CSMD1: variants seen among roughly 807,000 people sequenced by gnomAD.
CSMD1 encodes the protein CUB and Sushi multiple domains 1, also known as CUB and sushi domain-containing protein 1.
CSMD1 carries 213 observed loss-of-function variants against 417.5 expected under a neutral mutation model. The ratio of observed to expected loss-of-function variants is 0.51; its 90% CI spans 0.46 to 0.57. The LOEUF (loss-of-function observed/expected upper bound fraction) is 0.57. Ranked by LOEUF, CSMD1 falls within the 20% of genes least tolerant of loss-of-function variation. CSMD1 has a pLI of 0.00. For synonymous variants in CSMD1, 2,862 were observed against 1,736.8 expected (o/e 1.65, Z -16.11); for missense variants, 6,923 against 4,529.7 (o/e 1.53, Z -15.17).
intron 3 of CSMD1, among the ~76,000 whole-genome samples, chr8:4,226,573 A>G (rs908636159): frequency 2.0e-5 from 3 of 152,242 alleles, no homozygotes; most frequent in African/African-American, 4.8e-5. Flanking sequence ...GAAAAAACTA[A>G]TAACTTATTA....
intron 1 of CSMD1, among the ~76,000 whole-genome samples, chr8:4,939,602 A>T (rs569409793): frequency 6.7e-6 from 1 of 150,152 alleles, no homozygotes; most frequent in African/African-American, 2.4e-5. Context: ...GTTGAACTCA[A>T]TGAAGCCGAG....
chr8:3,501,908 A>G (rs890085437), intron 10 of CSMD1, among the ~76,000 whole-genome samples: 12 of 152,206 alleles, frequency 7.9e-5, no homozygotes, highest in African/African-American at 2.9e-4. Context: ...TATCTACCAT[A>G]GATACTGGAT....
chr8:4,447,169 T>C (rs1024653676), intron 2 of CSMD1, among the ~76,000 whole-genome samples: 2 of 152,160 alleles, frequency 1.3e-5, no homozygotes. Flanking sequence ...AAATTATTGA[T>C]CCCATGTTAT....
intron 11 of CSMD1, among the ~76,000 whole-genome samples, chr8:3,486,844 T>C (rs993042282): frequency 2.0e-5 from 3 of 152,126 alleles, no homozygotes; most frequent in African/African-American, 7.2e-5. Context: ...GGTTTGTTTA[T>C]CCCCCTACCA....
chr8:4,084,104 A>C (rs867504666), intron 3 of CSMD1, among the ~76,000 whole-genome samples: 1 of 152,340 alleles, frequency 6.6e-6, no homozygotes, highest in Middle Eastern at 3.4e-3. Flanking sequence ...GTCTTCGGAA[A>C]GGTAAAACCA....
At chr8:4,730,097 C>G (rs990677211) in intron 1 of CSMD1, among the ~76,000 whole-genome samples, 1 of 152,104 alleles carries the variant, frequency 6.6e-6, no homozygotes, top group East Asian at 1.9e-4. Flanking sequence ...CTTTATTACC[C>G]CTTTTCGTCT....
At chr8:4,285,182 T>C (rs1249139942) in intron 3 of CSMD1, among the ~76,000 whole-genome samples, 2 of 152,348 alleles carry the variant, frequency 1.3e-5, no homozygotes, top group African/African-American at 4.8e-5. Context: ...TTTTATGTTT[T>C]TGTATGTCAA....
At chr8:4,411,322 T>A (rs1452451727) in intron 3 of CSMD1, among the ~76,000 whole-genome samples, 1 of 152,160 alleles carries the variant, frequency 6.6e-6, no homozygotes, top group Non-Finnish European at 1.5e-5. Flanking sequence ...AGTAACTATT[T>A]CTGTGAGTGG....
intron 1 of CSMD1, among the ~76,000 whole-genome samples, chr8:4,984,210 A>C (rs993648091): frequency 6.6e-6 from 1 of 152,238 alleles, no homozygotes; most frequent in South Asian, 2.1e-4. Flanking sequence ...AAGAGTAACC[A>C]TCACAGGACT....
chr8:3,671,130 GTATGGGATATATGTA>G (rs1330928675), intron 7 of CSMD1, among the ~76,000 whole-genome samples: 3 of 146,352 alleles, frequency 2.0e-5, no homozygotes, highest in Non-Finnish European at 4.5e-5. Flanking sequence ...GGATATATAT[GTATGGGATATATGTA>G]TATGGGATAT....
rs1809077887 is a variant in CSMD1, at chr8:3,018,648, T to C, written c.7858A>G (p.Ile2620Val). 1.2e-6 allele frequency: 2 copies of C among 1,610,738 alleles called. No individual in the cohort carries two copies. Among genetic ancestry groups the C allele is most frequent in the African/African-American group, 1.3e-5 (1 of 74,396 alleles). Residue 2620 changes from isoleucine to valine, a missense_variant and splice_region_variant, in exon 52 of 70, where the codon ATC becomes GTC. Physicochemically the swap from Ile to Val is conservative, Grantham distance 29. Coordinates refer to ENST00000635120, the MANE Select transcript of CSMD1 (RefSeq NM_033225.6). ...IGDERPSCRV[I>V]SCGSLSFPPN... ...GGAAAGGAAAGGCTTCCACACGAGA[T>C]AACTAGAAGGAAAAACAATAAAATG...
intron 3 of CSMD1, among the ~76,000 whole-genome samples, chr8:4,406,740 T>C (rs141420732): frequency 5.6e-4 from 85 of 152,328 alleles, no homozygotes; most frequent in African/African-American, 1.9e-3. Context: ...AGAGAATGTA[T>C]TGTTTGCCAA....
chr8:4,366,934 T>C (rs1170981372), intron 3 of CSMD1, among the ~76,000 whole-genome samples: 1 of 152,150 alleles, frequency 6.6e-6, no homozygotes, highest in East Asian at 1.9e-4. Context: ...CCCTACAGAT[T>C]CTTGATATTA....
intron 26 of CSMD1, among the ~76,000 whole-genome samples, chr8:3,270,595 C>A (rs564919544): frequency 2.0e-5 from 3 of 152,184 alleles, no homozygotes; most frequent in Non-Finnish European, 2.9e-5. Flanking sequence ...CAGGTCGACA[C>A]AGATGCAGCC....
chr8:4,395,160 C>G (rs1254409600), intron 3 of CSMD1, among the ~76,000 whole-genome samples: 1 of 152,162 alleles, frequency 6.6e-6, no homozygotes, highest in Non-Finnish European at 1.5e-5. Context: ...CTCTGACACT[C>G]CCTTAGAACA....
chr8:4,184,416 G>A (rs924116869), intron 3 of CSMD1, among the ~76,000 whole-genome samples: 1 of 152,050 alleles, frequency 6.6e-6, no homozygotes, highest in Non-Finnish European at 1.5e-5. Context: ...ATATGAGGAT[G>A]TTCCTTGCGG....
chr8:4,814,228 G>C (rs1054589449), intron 1 of CSMD1, among the ~76,000 whole-genome samples: 2 of 152,170 alleles, frequency 1.3e-5, no homozygotes, highest in Non-Finnish European at 2.9e-5. Flanking sequence ...GCGTGTGCGT[G>C]TGCGCATGTG....
At chr8:4,832,359 T>G (rs554693759) in intron 1 of CSMD1, among the ~76,000 whole-genome samples, 2 of 152,234 alleles carry the variant, frequency 1.3e-5, no homozygotes, top group South Asian at 4.1e-4. Context: ...TATGCTACAG[T>G]GGCAATGAAC....
intron 7 of CSMD1, among the ~76,000 whole-genome samples, chr8:3,670,957 G>A (rs1016396558): frequency 2.4e-5 from 3 of 125,290 alleles, no homozygotes; most frequent in Admixed American, 8.5e-5. Context: ...ATATGTGTAT[G>A]GGATATATGT....
Sources: allele counts gnomAD v4.1 joint callset (sites outside exome capture counted in the v4.1 genomes callset), GRCh38; gene constraint gnomAD v4.1.1; transcripts MANE v1.5; gene names NCBI Gene and HGNC (gene_info 2026-07-23, HGNC 2026-07-21).